The following CTNNA3 variants were observed in gnomAD, a reference collection of about 807,000 sequenced individuals.
CTNNA3 encodes catenin alpha 3, also known as catenin alpha-3.
In CTNNA3, 76 loss-of-function variants were observed where a neutral mutation model predicts 95.7. The observed-to-expected ratio is 0.79, with a 90% CI of 0.66 to 0.96. The LOEUF (loss-of-function observed/expected upper bound fraction) is 0.96, where lower values mean the gene tolerates loss of function less well. CTNNA3 is among the 40% of genes least tolerant of loss of function. The pLI, the probability that CTNNA3 is intolerant of heterozygous loss-of-function variation, is 0.00. For synonymous variants in CTNNA3, 431 were observed against 374.4 expected (o/e 1.15, Z -1.74); for missense variants, 1,191 against 1,089.8 (o/e 1.09, Z -1.31).
chr10:66,830,529 T>G (rs1399977454), intron 7 of CTNNA3, among the ~76,000 whole-genome samples: 1 of 152,152 alleles, frequency 6.6e-6, no homozygotes, highest in Non-Finnish European at 1.5e-5. Flanking sequence ...CTCGTGCTCC[T>G]TCTTCAGCAT....
intron 7 of CTNNA3, among the ~76,000 whole-genome samples, chr10:67,179,131 T>C (rs1862382782): frequency 6.6e-6 from 1 of 152,074 alleles, no homozygotes; most frequent in African/African-American, 2.4e-5. Context: ...CTTAAATTCA[T>C]ACCTGAAAAG....
At chr10:67,414,683 A>C (rs1395484261) in intron 5 of CTNNA3, among the ~76,000 whole-genome samples, 1 of 152,214 alleles carries the variant, frequency 6.6e-6, no homozygotes, top group African/African-American at 2.4e-5. Flanking sequence ...AAAAATCCTC[A>C]ACAAATATTA....
At chr10:66,428,654 C>A (rs1301424382) in intron 11 of CTNNA3, among the ~76,000 whole-genome samples, 1 of 151,834 alleles carries the variant, frequency 6.6e-6, no homozygotes, top group Non-Finnish European at 1.5e-5. Flanking sequence ...TGAATGACTA[C>A]TGGGTACATA....
chr10:66,206,069 T>C (rs958906112), intron 13 of CTNNA3, among the ~76,000 whole-genome samples: 1 of 152,074 alleles, frequency 6.6e-6, no homozygotes, highest in Non-Finnish European at 1.5e-5. Context: ...AGAGAAGTAC[T>C]TTTGTTACAT....
At chr10:67,275,907 A>G (rs1159205946) in intron 5 of CTNNA3, among the ~76,000 whole-genome samples, 7 of 152,072 alleles carry the variant, frequency 4.6e-5, no homozygotes, top group African/African-American at 1.7e-4. Context: ...TAATTTATGG[A>G]TCAGAAAACT....
intron 7 of CTNNA3, among the ~76,000 whole-genome samples, chr10:67,033,134 C>G (rs547960369): frequency 6.6e-6 from 1 of 151,994 alleles, no homozygotes; most frequent in Non-Finnish European, 1.5e-5. Flanking sequence ...TGAAGGAAAC[C>G]GACTGATTTT....
At chr10:66,725,825 G>A (rs998833870) in intron 9 of CTNNA3, among the ~76,000 whole-genome samples, 1 of 152,030 alleles carries the variant, frequency 6.6e-6, no homozygotes, top group South Asian at 2.1e-4. Flanking sequence ...TTCAGATATT[G>A]TAACACAATG....
intron 5 of CTNNA3, among the ~76,000 whole-genome samples, chr10:67,235,950 A>G (rs985707329): frequency 1.4e-5 from 2 of 147,296 alleles, no homozygotes; most frequent in African/African-American, 5.2e-5. Flanking sequence ...GCAAATCAAA[A>G]CCACAATGAG....
chr10:66,861,210 T>A (rs535908632), intron 7 of CTNNA3, among the ~76,000 whole-genome samples: 15 of 152,234 alleles, frequency 9.9e-5, no homozygotes, highest in African/African-American at 3.6e-4. Context: ...AATAAACAAA[T>A]AGGAATTACA....
chr10:66,825,101 T>A (rs897031246), intron 7 of CTNNA3, among the ~76,000 whole-genome samples: 1 of 150,934 alleles, frequency 6.6e-6, no homozygotes, highest in Non-Finnish European at 1.5e-5. Context: ...CAGGCCAGAG[T>A]GTGCCCTTAC....
At chr10:66,251,492 G>A (rs564277837) in intron 13 of CTNNA3, among the ~76,000 whole-genome samples, 5 of 152,082 alleles carry the variant, frequency 3.3e-5, no homozygotes, top group Non-Finnish European at 5.9e-5. Flanking sequence ...TGGCTAAATT[G>A]GCATCAAAAT....
At chr10:66,867,616 T>C (rs1589356253) in intron 7 of CTNNA3, among the ~76,000 whole-genome samples, 1 of 152,082 alleles carries the variant, frequency 6.6e-6, no homozygotes, top group Non-Finnish European at 1.5e-5. Flanking sequence ...TTTTCTGAGG[T>C]AGATTGCTCT....
chr10:67,506,455 A>C (rs534849960), intron 5 of CTNNA3, among the ~76,000 whole-genome samples: 1 of 152,362 alleles, frequency 6.6e-6, no homozygotes, highest in African/African-American at 2.4e-5. Flanking sequence ...AAAAAATAAC[A>C]GAACAAACTA....
intron 12 of CTNNA3, among the ~76,000 whole-genome samples, chr10:66,304,839 G>T (rs903904699): frequency 6.6e-6 from 1 of 152,048 alleles, no homozygotes; most frequent in South Asian, 2.1e-4. Flanking sequence ...AGGACCATGA[G>T]GTAAGGTTAA....
intron 5 of CTNNA3, among the ~76,000 whole-genome samples, chr10:67,422,305 A>C (rs1845773316): frequency 6.6e-6 from 1 of 152,164 alleles, no homozygotes. Flanking sequence ...GAAAATATAC[A>C]ATAACGTATG....
chr10:66,372,997 C>T (rs975411433), intron 12 of CTNNA3, among the ~76,000 whole-genome samples: 4 of 152,044 alleles, frequency 2.6e-5, no homozygotes, highest in Admixed American at 6.6e-5. Context: ...TATCTCAACC[C>T]CTCTTTATGA....
chr10:66,444,220 G>A (rs2093399395), intron 11 of CTNNA3, among the ~76,000 whole-genome samples: 1 of 152,072 alleles, frequency 6.6e-6, no homozygotes, highest in African/African-American at 2.4e-5. Context: ...AAAATGACGG[G>A]GAGAATAGAA....
At chr10:67,713,458 C>T (rs556116441) in intron 1 of CTNNA3, among the ~76,000 whole-genome samples, 8 of 152,330 alleles carry the variant, frequency 5.3e-5, no homozygotes, top group Non-Finnish European at 8.8e-5. Flanking sequence ...GATTATAAGT[C>T]ACTCTACTAT....
intron 3 of CTNNA3, among the ~76,000 whole-genome samples, chr10:67,592,755 T>C (rs1428784891): frequency 6.6e-6 from 1 of 152,192 alleles, no homozygotes; most frequent in Non-Finnish European, 1.5e-5. Flanking sequence ...AGAATACATA[T>C]GACTAATCCT....
Sources: gnomAD v4.1 joint callset for allele counts (sites outside exome capture counted in the v4.1 genomes callset) on GRCh38, gnomAD v4.1.1 for gene constraint, MANE v1.5 for transcripts, NCBI Gene and HGNC (gene_info 2026-07-23, HGNC 2026-07-21) for gene names.